Variants in SORBS2 observed in about 807,000 individuals in gnomAD.
SORBS2 encodes the protein sorbin and SH3 domain-containing protein 2.
Under a neutral mutation model 97.7 loss-of-function variants are expected in SORBS2, and 46 were observed. The ratio of observed to expected loss-of-function variants is 0.47; its 90% CI spans 0.37 to 0.60. The LOEUF (loss-of-function observed/expected upper bound fraction) is 0.60, where lower values mean the gene tolerates loss of function less well. SORBS2 is among the 20% of genes least tolerant of loss of function. The probability of loss-of-function intolerance (pLI) is 0.00; values close to 1 mark genes in which losing one functional copy is unlikely to be tolerated. For synonymous variants in SORBS2, 476 were observed against 473.4 expected (o/e 1.01, Z -0.07); for missense variants, 1,316 against 1,282.3 (o/e 1.03, Z -0.40).
chr4:185,903,788 A>C (rs2149839311), intron 1 of SORBS2, among the ~76,000 whole-genome samples: 1 of 152,248 alleles, frequency 6.6e-6, no homozygotes, highest in African/African-American at 2.4e-5. Context: ...AAACTTACAA[A>C]CCTGGCTTTG....
chr4:185,686,908 T>C (rs1373455689), intron 2 of SORBS2, among the ~76,000 whole-genome samples: 1 of 152,240 alleles, frequency 6.6e-6, no homozygotes, highest in Non-Finnish European at 1.5e-5. Context: ...GGACACTCAA[T>C]GAACTACTTG....
At chr4:185,932,033 T>C (rs1034188351) in intron 1 of SORBS2, among the ~76,000 whole-genome samples, 1 of 151,778 alleles carries the variant, frequency 6.6e-6, no homozygotes, top group Non-Finnish European at 1.5e-5. Flanking sequence ...GATATAGATA[T>C]AGATACAGAT....
chr4:185,776,375 C>G (rs2098999635), intron 1 of SORBS2, among the ~76,000 whole-genome samples: 4 of 152,128 alleles, frequency 2.6e-5, no homozygotes, highest in Admixed American at 1.3e-4. Context: ...GTCATCAGAC[C>G]AACTTCAGGC....
chr4:185,932,034 A>G (rs1338606503), intron 1 of SORBS2, among the ~76,000 whole-genome samples: 2 of 151,850 alleles, frequency 1.3e-5, no homozygotes, highest in East Asian at 3.9e-4. Flanking sequence ...ATATAGATAT[A>G]GATACAGATA....
chr4:185,801,916 G>C (rs550413821), intron 1 of SORBS2, among the ~76,000 whole-genome samples: 82 of 152,250 alleles, frequency 5.4e-4, no homozygotes, highest in African/African-American at 1.8e-3. Context: ...GGGCTGTTGA[G>C]CCAGACTCAA....
At chr4:185,908,019 C>G (rs974799650) in intron 1 of SORBS2, among the ~76,000 whole-genome samples, 1 of 151,876 alleles carries the variant, frequency 6.6e-6, no homozygotes, top group African/African-American at 2.4e-5. Flanking sequence ...GGAAAACCGA[C>G]CTGGAGAGGT....
chr4:185,814,338 C>T (rs2099191955), intron 1 of SORBS2, among the ~76,000 whole-genome samples: 1 of 150,194 alleles, frequency 6.7e-6, no homozygotes, highest in Admixed American at 6.7e-5. Context: ...TGAGACCAGT[C>T]TAGGCAACAG....
intron 2 of SORBS2, among the ~76,000 whole-genome samples, chr4:185,735,281 C>A (rs1284490023): frequency 6.6e-6 from 1 of 151,998 alleles, no homozygotes; most frequent in Non-Finnish European, 1.5e-5. Flanking sequence ...AAAAGCAAGG[C>A]ATGTTTCTGC....
chr4:185,598,883 TAA>T (rs35153444), intron 12 of SORBS2, among the ~76,000 whole-genome samples: 33 of 146,644 alleles, frequency 2.3e-4, no homozygotes, highest in African/African-American at 7.3e-4. Flanking sequence ...AGGCAAAAAA[TAA>T]AAAAAAAACC....
rs922282678 is a variant in SORBS2 at position 185,868,447 on chromosome 4, T to C, written c.-338+87749A>G. On this transcript the variant is annotated intron_variant, in intron 1 of 20. Coordinates refer to the SORBS2 transcript ENST00000284776. ...CTGGGATTACAGGCATGAGCCACCG[T>C]GCCCAGCCGAAAGCTTCTACTTTCT... is the stretch of plus-strand genomic sequence containing the variant. 2.1e-4 allele frequency among the ~76,000 whole-genome samples: 32 copies of C among 151,636 alleles called. 1 individual carries two copies. Among genetic ancestry groups the C allele is most frequent in the South Asian group, 1.0e-3 (5 of 4,814 alleles).
intron 12 of SORBS2, among the ~76,000 whole-genome samples, chr4:185,605,614 T>C (rs1192931342): frequency 1.3e-5 from 2 of 151,888 alleles, no homozygotes; most frequent in Non-Finnish European, 2.9e-5. Flanking sequence ...AGATGGAGTC[T>C]CGCTCTGTCA....
At chr4:185,712,631 C>T (rs1316924304) in intron 2 of SORBS2, among the ~76,000 whole-genome samples, 1 of 152,238 alleles carries the variant, frequency 6.6e-6, no homozygotes, top group African/African-American at 2.4e-5. Flanking sequence ...GCAACACGCC[C>T]TCTGGGGCTT....
At chr4:185,826,177 T>C (rs1436569031) in intron 1 of SORBS2, among the ~76,000 whole-genome samples, 1 of 152,210 alleles carries the variant, frequency 6.6e-6, no homozygotes, top group Non-Finnish European at 1.5e-5. Flanking sequence ...TCAATGCATT[T>C]ATATCATAAG....
intron 1 of SORBS2, among the ~76,000 whole-genome samples, chr4:185,906,380 A>C (rs1390136998): frequency 3.3e-5 from 5 of 152,182 alleles, no homozygotes; most frequent in Non-Finnish European, 7.4e-5. Flanking sequence ...TCCAGATTTA[A>C]TATGCCACTC....
chr4:185,945,535 A>G (rs1048805793), intron 1 of SORBS2, among the ~76,000 whole-genome samples: 1 of 152,232 alleles, frequency 6.6e-6, no homozygotes, highest in African/African-American at 2.4e-5. Flanking sequence ...TTTAGGAAGA[A>G]AATTTGATTT....
intron 1 of SORBS2, among the ~76,000 whole-genome samples, chr4:185,907,286 A>G (rs527696555): frequency 1.3e-4 from 20 of 152,288 alleles, no homozygotes; most frequent in Admixed American, 5.2e-4. Flanking sequence ...CTGTCTGTCC[A>G]CCTTAAATGT....
chr4:185,850,237 A>G (rs1301622090), intron 1 of SORBS2, among the ~76,000 whole-genome samples: 1 of 152,220 alleles, frequency 6.6e-6, no homozygotes, highest in African/African-American at 2.4e-5. Flanking sequence ...TGTGGGATGT[A>G]CAATTGGTAA....
At chr4:185,915,268 G>C (rs1412974783) in intron 1 of SORBS2, among the ~76,000 whole-genome samples, 1 of 152,210 alleles carries the variant, frequency 6.6e-6, no homozygotes, top group East Asian at 1.9e-4. Context: ...AACTTTTACT[G>C]TCCTCAGTTT....
chr4:185,773,372 G>A (rs1359191873), intron 2 of SORBS2: 1 of 152,198 alleles, frequency 6.6e-6, no homozygotes, highest in Non-Finnish European at 1.5e-5. Flanking sequence ...GGGAAAAGTG[G>A]CAATGAAATG....
Sources: allele counts gnomAD v4.1 joint callset (sites outside exome capture counted in the v4.1 genomes callset), GRCh38; gene constraint gnomAD v4.1.1; transcripts MANE v1.5; gene names NCBI Gene and HGNC (gene_info 2026-07-23, HGNC 2026-07-21).